Variants in ABHD2 observed in about 807,000 individuals in gnomAD.
The protein encoded by ABHD2 is monoacylglycerol lipase ABHD2.
In ABHD2, 20 loss-of-function variants were observed where a neutral mutation model predicts 48.1. That is an observed-to-expected ratio of 0.42 (90% CI 0.29 to 0.60). The LOEUF is 0.60. Ranked by LOEUF, ABHD2 falls within the 20% of genes least tolerant of loss-of-function variation. The pLI, the probability that ABHD2 is intolerant of heterozygous loss-of-function variation, is 0.24. For missense variants in ABHD2, 405 were observed against 550.9 expected (o/e 0.74, Z 2.65); for synonymous variants, 209 against 214.2 (o/e 0.98, Z 0.21).
chr15:89,074,119 A>T, the ABHD2 span, among the ~76,000 whole-genome samples: 1 of 152,194 alleles, frequency 6.6e-6, no homozygotes, highest in African/African-American at 2.4e-5. Flanking sequence ...CACGCCTGTA[A>T]TCCCAGCACT....
At position 89,116,006 on chromosome 15, in the gene ABHD2, C is replaced by T. The variant is rs1009629376; in HGVS notation, c.-6-316C>T. On this transcript the variant is annotated intron_variant, in intron 2 of 10. Coordinates refer to ENST00000352732, the MANE Select transcript of ABHD2 (RefSeq NM_152924.5). The surrounding 1 kb of genome is among the most constrained non-coding windows in gnomAD (Gnocchi z 4.6). ...TCTTCGACTGATCTTATTTTTCCCCCTCCGATAAAGGACACTATTCTTAGC... is the reference window on the plus strand; with the variant it reads ...TCTTCGACTGATCTTATTTTTCCCCTTCCGATAAAGGACACTATTCTTAGC... 5.3e-5 allele frequency among the ~76,000 whole-genome samples: 8 copies of T among 152,238 alleles called. No individual in the cohort carries two copies. Among genetic ancestry groups the T allele is most frequent in the African/African-American group, 1.7e-4 (7 of 41,460 alleles).
intron 3 of ABHD2, among the ~76,000 whole-genome samples, chr15:89,128,263 G>C (rs2050166815): frequency 6.6e-6 from 1 of 152,212 alleles, no homozygotes; most frequent in Non-Finnish European, 1.5e-5. Context: ...GGATAGATGG[G>C]ACAATAGGAG....
chr15:89,191,609 G>A (rs138455802), intron 9 of ABHD2, among the ~76,000 whole-genome samples: 194 of 151,142 alleles, frequency 1.3e-3, no homozygotes, highest in African/African-American at 4.4e-3. Flanking sequence ...AAGTAATGAT[G>A]AGCATGTCTA....
At chr15:89,066,078 G>T in the ABHD2 span, among the ~76,000 whole-genome samples, 1 of 152,232 alleles carries the variant, frequency 6.6e-6, no homozygotes, top group South Asian at 2.1e-4. Flanking sequence ...TTGTGTTTGT[G>T]ACCATTCCTC....
the ABHD2 span, among the ~76,000 whole-genome samples, chr15:89,055,212 T>G: frequency 6.6e-6 from 1 of 152,162 alleles, no homozygotes; most frequent in Admixed American, 6.6e-5. Context: ...ACTTTTTTTT[T>G]AAATCTCCTA....
the ABHD2 span, among the ~76,000 whole-genome samples, chr15:89,081,806 G>C: frequency 6.6e-6 from 1 of 152,064 alleles, no homozygotes; most frequent in Non-Finnish European, 1.5e-5. Context: ...AGCCAAGGTC[G>C]TGCCACTGTA....
chr15:89,192,755 C>T (rs1277078112), intron 9 of ABHD2, among the ~76,000 whole-genome samples: 1 of 152,116 alleles, frequency 6.6e-6, no homozygotes, highest in Non-Finnish European at 1.5e-5. Flanking sequence ...CACTATGTTT[C>T]CCAGGCTGGT....
rs2050491650 is a variant in ABHD2 at position 89,146,369 on chromosome 15, TG to T, written c.195-5307del. On this transcript the variant is annotated intron_variant, in intron 3 of 10. Coordinates refer to ENST00000352732, the MANE Select transcript of ABHD2 (RefSeq NM_152924.5). The surrounding 1 kb of genome is among the most constrained non-coding windows in gnomAD (Gnocchi z 4.2). ...TCAAAGACGTACGTGTGTGTGTGTG[TG>T]TGTGTGTGTGTGTGTGTGTGTGTGT... 6.9e-6 allele frequency among the ~76,000 whole-genome samples: 1 copy of T among 144,110 alleles called. No homozygotes were observed. 94.5% of individuals were successfully genotyped at this position (144,110 alleles called of 152,430 possible).
the ABHD2 span, among the ~76,000 whole-genome samples, chr15:89,072,681 C>G: frequency 6.6e-6 from 1 of 152,146 alleles, no homozygotes; most frequent in African/African-American, 2.4e-5. Flanking sequence ...ATAACTTAGC[C>G]TAAGCTGACT....
At chr15:89,043,089 C>T in the ABHD2 span, among the ~76,000 whole-genome samples, 2 of 152,228 alleles carry the variant, frequency 1.3e-5, no homozygotes, top group Non-Finnish European at 1.5e-5. Context: ...AGGGGCCCTC[C>T]CTTCACCATT....
At chr15:89,121,460 T>A (rs2050050083) in intron 3 of ABHD2, among the ~76,000 whole-genome samples, 2 of 134,034 alleles carry the variant, frequency 1.5e-5, no homozygotes, top group Admixed American at 7.3e-5. Context: ...CCCTTTGGCT[T>A]TTTTTTTTTT....
chr15:89,156,184 G>T (rs145241158), intron 5 of ABHD2, among the ~76,000 whole-genome samples: 1 of 134,342 alleles, frequency 7.4e-6, no homozygotes, highest in South Asian at 2.4e-4. Context: ...GCAGTGGCAC[G>T]ATCCTGGCTC....
the ABHD2 span, among the ~76,000 whole-genome samples, chr15:89,078,460 C>T: frequency 2.0e-5 from 3 of 152,176 alleles, no homozygotes; most frequent in African/African-American, 7.2e-5. Context: ...CTAAACAGAT[C>T]GTTGCATTTG....
At chr15:89,105,190 C>G (rs1353294676) in intron 1 of ABHD2, among the ~76,000 whole-genome samples, 1 of 152,220 alleles carries the variant, frequency 6.6e-6, no homozygotes, top group African/African-American at 2.4e-5. Context: ...GGGTTATTTG[C>G]TAGTGGAAGA....
At chr15:89,109,289 T>G (rs2049836496) in intron 1 of ABHD2, among the ~76,000 whole-genome samples, 1 of 152,232 alleles carries the variant, frequency 6.6e-6, no homozygotes, top group Admixed American at 6.5e-5. Context: ...ATGTTGGGCA[T>G]TTGGTAGCAC....
chr15:89,201,116 G>A lies in ABHD2; in HGVS notation c.*5693G>A, dbSNP rs1743417916. On this transcript the variant is annotated 3_prime_UTR_variant, in exon 11 of 11. Transcript: ENST00000352732. ...GAAAAGGAATCCAGTGAAAATGGCT[G>A]CAATTACAACAAGAAGTGAAGGAAG... The A allele has an allele frequency of 9.3e-7, 1 of 1,076,750 alleles. No homozygotes were observed. The allele number at this position is 1,076,750 out of a possible 1,614,324, so 66.7% of individuals were successfully genotyped here.
Position 89,182,428 on chromosome 15 carries a change from G to A in ABHD2, c.723-2996G>A. ...TGGACCAATATCTGGCCCAGCCTGG[G>A]GAGCAGTTCCTGCCACCCCTTCTCT... On this transcript the variant is annotated intron_variant, in intron 6 of 10. Coordinates refer to ENST00000352732, the MANE Select transcript of ABHD2 (RefSeq NM_152924.5). This position sits in a 1 kb window ranked among gnomAD's most constrained non-coding sequence, Gnocchi z 4.8. Among the ~76,000 whole-genome samples the A allele has an allele frequency of 6.6e-6, 1 of 152,106 alleles. No individual in the cohort carries two copies. Among genetic ancestry groups the A allele is most frequent in the East Asian group, 1.9e-4 (1 of 5,188 alleles).
intron 6 of ABHD2, among the ~76,000 whole-genome samples, chr15:89,178,539 TCTC>T (rs1045129407): frequency 4.6e-5 from 7 of 152,114 alleles, no homozygotes; most frequent in Admixed American, 2.0e-4. Context: ...CCCTCTGGCT[TCTC>T]CTCCCGTAGC....
Position 89,193,232 on chromosome 15 carries a change from C to G in ABHD2, c.997-3C>G. 1 of 1,613,974 alleles carries G rather than the reference C, an allele frequency of 6.2e-7. No individual in the cohort carries two copies. ...TTAATTCTGCTTTATGTTCTTGTTG[C>G]AGATTTATGTTCCTCTCATGCTGGT... is the stretch of plus-strand genomic sequence containing the variant. On this transcript the variant is annotated splice_region_variant and splice_polypyrimidine_tract_variant and intron_variant, in intron 9 of 10. Coordinates refer to ENST00000352732, the MANE Select transcript of ABHD2 (RefSeq NM_152924.5).
Sources: allele counts gnomAD v4.1 joint callset (sites outside exome capture counted in the v4.1 genomes callset), GRCh38; gene constraint gnomAD v4.1.1; non-coding constraint Gnocchi (gnomAD v3.1); transcripts MANE v1.5; gene names NCBI Gene and HGNC (gene_info 2026-07-23, HGNC 2026-07-21).